FAF2: variants seen among roughly 807,000 people sequenced by gnomAD.
FAF2 encodes the protein Fas associated factor family member 2, also known as FAS-associated factor 2.
FAF2 carries 9 observed loss-of-function variants against 62.3 expected under a neutral mutation model. The observed-to-expected ratio is 0.14, with a 90% CI of 0.09 to 0.25. The LOEUF (loss-of-function observed/expected upper bound fraction) is 0.25. Ranked by LOEUF, FAF2 falls within the 10% of genes least tolerant of loss-of-function variation. The probability of loss-of-function intolerance (pLI) is 1.00; values close to 1 mark genes in which losing one functional copy is unlikely to be tolerated. For synonymous variants in FAF2, 202 were observed against 198.0 expected (o/e 1.02, Z -0.17); for missense variants, 368 against 556.2 (o/e 0.66, Z 3.40).
intron 1 of FAF2, among the ~76,000 whole-genome samples, chr5:176,455,770 A>G (rs74723913): frequency 0.088 from 13,382 of 151,652 alleles, 948 homozygotes; most frequent in East Asian, 0.28. Context: ...AATAAAAACT[A>G]AAGAAGTTCC....
intron 1 of FAF2, among the ~76,000 whole-genome samples, chr5:176,470,603 CTT>C (rs1159329252): frequency 6.6e-6 from 1 of 152,182 alleles, no homozygotes; most frequent in Non-Finnish European, 1.5e-5. Flanking sequence ...AATAAATAAA[CTT>C]TACCTAACTT....
intron 1 of FAF2, among the ~76,000 whole-genome samples, chr5:176,456,628 C>T (rs1385052483): frequency 1.3e-5 from 2 of 152,152 alleles, no homozygotes; most frequent in Non-Finnish European, 2.9e-5. Flanking sequence ...TGCACCCAGC[C>T]TCAACTGGAA....
At chr5:176,471,375 CTTTTTTTTTT>C (rs138149987) in intron 1 of FAF2, among the ~76,000 whole-genome samples, 1 of 97,624 alleles carries the variant, frequency 1.0e-5, no homozygotes, top group Non-Finnish European at 2.0e-5. Flanking sequence ...TCTGTACATT[CTTTTTTTTTT>C]TTTTTTTTTT....
chr5:176,507,060 A>T lies in FAF2; in HGVS notation c.*110A>T, dbSNP rs2113751418. ...ACAAGAGAGAGAAATTCATATTATT[A>T]TTATTATTATAATACAATATTTTTT... On this transcript the variant is annotated 3_prime_UTR_variant, in exon 11 of 11. Transcript: ENST00000261942. 1 of 587,264 alleles carries T rather than the reference A, an allele frequency of 1.7e-6. No individual in the cohort carries two copies. The highest frequency in any genetic ancestry group is 1.9e-5 in the African/African-American group (1 of 51,418). The allele number at this position is 587,264 out of a possible 1,614,324, so 36.4% of individuals were successfully genotyped here.
chr5:176,499,850 CTTTAAA>C (rs1755563175), intron 9 of FAF2, among the ~76,000 whole-genome samples, 147 bp from the exon 10 acceptor site: 1 of 152,128 alleles, frequency 6.6e-6, no homozygotes, highest in Non-Finnish European at 1.5e-5. Flanking sequence ...TGCAATTGTA[CTTTAAA>C]TTTAGGTTGT....
chr5:176,483,948 G>A (rs1484336434), intron 2 of FAF2, among the ~76,000 whole-genome samples: 1 of 152,088 alleles, frequency 6.6e-6, no homozygotes, highest in Non-Finnish European at 1.5e-5. Flanking sequence ...GGCGGTGCGT[G>A]CCTGTAATCC....
At chr5:176,476,266 A>T (rs573700177) in intron 1 of FAF2, among the ~76,000 whole-genome samples, 12 of 152,350 alleles carry the variant, frequency 7.9e-5, no homozygotes, top group African/African-American at 2.9e-4. Flanking sequence ...CCTGTCTTAA[A>T]AAAACAAAGC....
At chr5:176,458,458 G>T (rs1361743286) in intron 1 of FAF2, among the ~76,000 whole-genome samples, 1 of 109,008 alleles carries the variant, frequency 9.2e-6, no homozygotes, top group African/African-American at 3.5e-5. Flanking sequence ...CACCCACGCT[G>T]GAGTGCGGTG....
At chr5:176,464,617 C>G (rs977161637) in intron 1 of FAF2, among the ~76,000 whole-genome samples, 4 of 151,396 alleles carry the variant, frequency 2.6e-5, no homozygotes, top group African/African-American at 4.9e-5. Flanking sequence ...ATCAGCCTCC[C>G]AAGTGGCTGG....
chr5:176,501,129 AAAT>A (rs1250131464), intron 10 of FAF2, among the ~76,000 whole-genome samples: 3 of 149,240 alleles, frequency 2.0e-5, no homozygotes, highest in African/African-American at 4.9e-5. Flanking sequence ...TAAAAAAAAA[AAAT>A]AAATAATAAT....
In FAF2 at chr5:176,476,627, CTTTTTTTTTT is replaced by C. The variant is rs58104178; in HGVS notation, c.64-2547_64-2538del. ...GGGGAAGATGGTAAGATTAGAGTCC[CTTTTTTTTTT>C]TTTTTTTTTTTTTGAGATGGAGTCT... On this transcript the variant is annotated intron_variant, in intron 1 of 10. Transcript: ENST00000261942. Among the ~76,000 whole-genome samples, 124 of 95,062 alleles carry C rather than the reference CTTTTTTTTTT, an allele frequency of 1.3e-3. 1 individual carries two copies. The South Asian group carries it at 0.048, about 37-fold the overall frequency. The allele number at this position is 95,062 out of a possible 152,430, so 62.4% of individuals were successfully genotyped here.
rs1758188912 is a variant in FAF2, at chr5:176,451,882, ATATATATATATTTTTTTTTTT to A, written c.63+3414_63+3434del. Reference sequence around the variant, plus strand: ...CACATATATATATACACACATATATATATATATATATTTTTTTTTTTTTTTTTTTTTTTTTTTTTGAGACAA... The same window carrying A: ...CACATATATATATACACACATATATATTTTTTTTTTTTTTTTTTGAGACAA... On this transcript the variant is annotated intron_variant, in intron 1 of 10. Transcript: ENST00000261942. Among the ~76,000 whole-genome samples the A allele has an allele frequency of 2.0e-4, 5 of 24,676 alleles. No homozygotes were observed. The East Asian group carries it at 3.2e-3, about 16-fold the overall frequency. 16.2% of individuals were successfully genotyped at this position (24,676 alleles called of 152,430 possible). A position where few individuals can be genotyped will look rare whatever the true frequency, so the allele number is the denominator to read the frequency against.
chr5:176,471,750 G>A (rs113906079), intron 1 of FAF2, among the ~76,000 whole-genome samples: 5 of 143,678 alleles, frequency 3.5e-5, no homozygotes, highest in Admixed American at 7.2e-5. Context: ...GCAGTGGTGC[G>A]ATCTTGGCTC....
chr5:176,459,460 T>C (rs769455878), intron 1 of FAF2, among the ~76,000 whole-genome samples: 1 of 152,020 alleles, frequency 6.6e-6, no homozygotes, highest in Non-Finnish European at 1.5e-5. Flanking sequence ...AGACATGGTC[T>C]CATTATGTTG....
At chr5:176,482,652 G>T (rs1286885029) in intron 2 of FAF2, among the ~76,000 whole-genome samples, 1 of 152,286 alleles carries the variant, frequency 6.6e-6, no homozygotes, top group East Asian at 1.9e-4. Flanking sequence ...AGGACTACAA[G>T]CACACACCAC....
intron 8 of FAF2, 130 bp downstream of exon 8, chr5:176,496,793 A>G (rs2113744363): frequency 4.9e-6 from 3 of 612,504 alleles, no homozygotes; most frequent in East Asian, 3.2e-5. Flanking sequence ...TTGCCCATTT[A>G]TTGTCAAAAT....
At chr5:176,483,202 A>C (rs76736509) in intron 2 of FAF2, among the ~76,000 whole-genome samples, 1,592 of 152,204 alleles carry the variant, frequency 0.01, 28 homozygotes, top group African/African-American at 0.036. Flanking sequence ...GACTACAGGT[A>C]CATGCTATCT....
intron 1 of FAF2, among the ~76,000 whole-genome samples, chr5:176,451,833 T>TATATACACATATATATATACAC: frequency 2.3e-5 from 1 of 42,560 alleles, no homozygotes; most frequent in African/African-American, 1.0e-4. Context: ...TATATACATA[T>TATATACACATATATATATACAC]ATATATATAC....
rs113788753 is a variant in FAF2, at chr5:176,496,637, T to C, written c.813T>C (p.Thr271=). The C allele has an allele frequency of 1.3e-6, 2 of 1,599,092 alleles. No homozygotes were observed. Among genetic ancestry groups the C allele is most frequent in the South Asian group, 1.1e-5 (1 of 89,244 alleles). ...CATTTATCATGGATGCTAACCAGAC[T>C]TACCTGGTGTCAGAACGCCTAGAAA... ...QLTFIMDANQ[T]YLVSERLERE... is the part of the protein sequence containing the mutation. The change falls in exon 8 of 11, where the codon ACT becomes ACC. Residue 271 remains threonine (T), a synonymous_variant. Coordinates refer to ENST00000261942, the MANE Select transcript of FAF2 (RefSeq NM_014613.3).
Sources: allele counts gnomAD v4.1 joint callset (sites outside exome capture counted in the v4.1 genomes callset), GRCh38; gene constraint gnomAD v4.1.1; transcripts MANE v1.5; gene names NCBI Gene and HGNC (gene_info 2026-07-23, HGNC 2026-07-21).